STT3B: variants seen among roughly 807,000 people sequenced by gnomAD.
STT3B encodes the protein STT3 oligosaccharyltransferase complex catalytic subunit B, also known as dolichyl-diphosphooligosaccharide--protein glycosyltransferase subunit STT3B.
STT3B carries 29 observed loss-of-function variants against 96.8 expected under a neutral mutation model. That is an observed-to-expected ratio of 0.30 (90% CI 0.22 to 0.41). STT3B has a LOEUF of 0.41. Among genes scored for constraint, STT3B ranks in the 10% least tolerant of loss-of-function variants. STT3B has a pLI of 1.00. For synonymous variants in STT3B, 367 were observed against 360.0 expected (o/e 1.02, Z -0.22); for missense variants, 640 against 1,022.3 (o/e 0.63, Z 5.10).
At position 31,559,146 on chromosome 3, in the gene STT3B, G is replaced by GGGGTGT. The variant is rs949401027; in HGVS notation, c.315-17249_315-17248insGGTGTG. 3.7e-3 allele frequency among the ~76,000 whole-genome samples: 430 copies of GGGGTGT among 116,518 alleles called. 2 individuals are homozygous for GGGGTGT. The highest frequency in any genetic ancestry group is 5.7e-3 in the Non-Finnish European group (324 of 56,368). The allele number at this position is 116,518 out of a possible 152,430, so 76.4% of individuals were successfully genotyped here. A position where few individuals can be genotyped will look rare whatever the true frequency, so the allele number is the denominator to read the frequency against. ...TTGTTTTTGTTTCATTGATTCTTGG[G>GGGGTGT]GTGTGTGTGTGTGTGTGTGTGTGTG... On this transcript the variant is annotated intron_variant, in intron 1 of 15. Transcript: ENST00000295770.
At chr3:31,624,764 C>CTTT in intron 11 of STT3B, 150 bp from the exon 12 acceptor site, 2 of 488,224 alleles carry the variant, frequency 4.1e-6, no homozygotes, top group Non-Finnish European at 7.1e-6. Context: ...CATTGTTTCA[C>CTTT]TTTTTTTTTT....
chr3:31,619,790 T>C lies in STT3B; in HGVS notation c.1287T>C (p.Leu429=). The change falls in exon 9 of 16, where the codon CTT becomes CTC. Residue 429 remains leucine (L), a synonymous_variant. Transcript: ENST00000295770. ...HILVCTFPAG[L]WFCIKNINDE... Reference sequence around the variant, plus strand: ...TTGTATGTACCTTCCCAGCAGGCCTTTGGTTCTGCATCAAAAATATCAACG... The same window carrying C: ...TTGTATGTACCTTCCCAGCAGGCCTCTGGTTCTGCATCAAAAATATCAACG... 5 of 1,613,248 alleles carry C rather than the reference T, an allele frequency of 3.1e-6. No individual in the cohort carries two copies. Among genetic ancestry groups the C allele is most frequent in the Non-Finnish European group, 3.4e-6 (4 of 1,179,754 alleles).
In STT3B at chr3:31,626,104, G is replaced by A; in HGVS notation, c.2050G>A (p.Gly684Arg). The stretch of plus-strand genomic sequence containing the variant: ...TCTCTGGATGGTTAGGATAGCTGAA[G>A]GAGAACATCCCAAAGACATTCGGGT... ...KFLWMVRIAE[G>R]EHPKDIRESD... is the part of the protein sequence containing the mutation. The change falls in exon 13 of 16, where the codon GGA becomes AGA. Residue 684 changes from glycine to arginine, a missense_variant. By Grantham distance (125) the Gly-to-Arg change is moderately radical. Coordinates refer to ENST00000295770, the MANE Select transcript of STT3B (RefSeq NM_178862.3). 1 of 1,613,424 alleles carries A rather than the reference G, an allele frequency of 6.2e-7. No homozygotes were observed. Among genetic ancestry groups the A allele is most frequent in the Non-Finnish European group, 8.5e-7 (1 of 1,179,734 alleles).
intron 1 of STT3B, among the ~76,000 whole-genome samples, chr3:31,542,441 T>C (rs897847454): frequency 2.6e-5 from 4 of 152,168 alleles, no homozygotes; most frequent in Non-Finnish European, 5.9e-5. Flanking sequence ...GTAGCAATTT[T>C]GCATATATTG....
chr3:31,579,865 G>C lies in STT3B; in HGVS notation c.480G>C (p.Leu160Phe), dbSNP rs1698345655. ...AGLIHWILNT[L>F]NITVHIRDVC... ...TTATTCATTGGATTTTAAATACATT[G>C]AACATAACTGTTCACATAAGAGACG... The change falls in exon 3 of 16, where the codon TTG becomes TTC. Residue 160 changes from leucine (L) to phenylalanine (F), a missense_variant. By Grantham distance (22) the Leu-to-Phe change is conservative. Around this residue, in one of 8 missense-constraint regions of STT3B, gnomAD observed 267 missense variants for 388.3 expected, o/e 0.69. Transcript: ENST00000295770. The C allele has an allele frequency of 6.2e-7, 1 of 1,613,580 alleles. No individual in the cohort carries two copies. The highest frequency in any genetic ancestry group is 1.1e-5 in the South Asian group (1 of 91,064).
At chr3:31,582,820 T>C (rs1462430660) in intron 3 of STT3B, among the ~76,000 whole-genome samples, 1 of 152,198 alleles carries the variant, frequency 6.6e-6, no homozygotes, top group Non-Finnish European at 1.5e-5. Flanking sequence ...CTTGTTTAAC[T>C]TCCACAAATT....
intron 1 of STT3B, among the ~76,000 whole-genome samples, chr3:31,545,908 C>G (rs1229214667): frequency 6.6e-6 from 1 of 151,468 alleles, no homozygotes; most frequent in Non-Finnish European, 1.5e-5. Context: ...CCAGGGAAGC[C>G]GAAAGATTGG....
intron 1 of STT3B, among the ~76,000 whole-genome samples, chr3:31,556,049 T>G (rs1011285592): frequency 6.6e-6 from 1 of 152,130 alleles, no homozygotes; most frequent in African/African-American, 2.4e-5. Flanking sequence ...TCATCTCTGC[T>G]TCTCTCCTAT....
intron 9 of STT3B, 146 bp downstream of exon 9, chr3:31,619,976 A>G (rs1254807898): frequency 6.7e-7 from 1 of 1,503,252 alleles, no homozygotes; most frequent in Non-Finnish European, 8.8e-7. Flanking sequence ...TGCTTAACCA[A>G]GAAAAATTCA....
At chr3:31,573,364 T>C (rs1206594158) in intron 1 of STT3B, among the ~76,000 whole-genome samples, 1 of 152,154 alleles carries the variant, frequency 6.6e-6, no homozygotes, top group Non-Finnish European at 1.5e-5. Context: ...GAACTAGAAG[T>C]GGGCAGAATG....
At chr3:31,559,485 T>C (rs931349198) in intron 1 of STT3B, among the ~76,000 whole-genome samples, 13 of 152,040 alleles carry the variant, frequency 8.6e-5, no homozygotes, top group African/African-American at 3.1e-4. Flanking sequence ...GCATGTTGTT[T>C]AAGTTCCATG....
rs529789569 is a variant in STT3B at position 31,589,902 on chromosome 3, A to G, written c.712-6896A>G. Among the ~76,000 whole-genome samples, 59 of 151,852 alleles carry G rather than the reference A, an allele frequency of 3.9e-4. 1 individual carries two copies. The South Asian group carries it at 0.011, about 28-fold the overall frequency. On this transcript the variant is annotated intron_variant, in intron 3 of 15. Coordinates refer to ENST00000295770, the MANE Select transcript of STT3B (RefSeq NM_178862.3). ...TGGACAGGGTACTTTTTCCTGCCCTATTTCCTGAAATAATTCTCGTAGGAT... is the reference window on the plus strand; with the variant it reads ...TGGACAGGGTACTTTTTCCTGCCCTGTTTCCTGAAATAATTCTCGTAGGAT...
intron 13 of STT3B, among the ~76,000 whole-genome samples, chr3:31,627,687 G>A (rs1699565536): frequency 1.3e-5 from 2 of 152,132 alleles, no homozygotes; most frequent in Admixed American, 6.5e-5. Context: ...TCCCTTAACT[G>A]TGATTAGTAA....
chr3:31,550,167 G>A (rs1458421834), intron 1 of STT3B, among the ~76,000 whole-genome samples: 1 of 152,174 alleles, frequency 6.6e-6, no homozygotes, highest in Non-Finnish European at 1.5e-5. Context: ...AGTTAAGGCA[G>A]AAATTAAGAG....
chr3:31,575,018 A>G (rs1404315067), intron 1 of STT3B, among the ~76,000 whole-genome samples: 2 of 152,024 alleles, frequency 1.3e-5, no homozygotes, highest in South Asian at 2.1e-4. Context: ...CAATTTTGCC[A>G]TTCAAAATCT....
At chr3:31,541,211 G>A (rs1380418275) in intron 1 of STT3B, among the ~76,000 whole-genome samples, 1 of 152,052 alleles carries the variant, frequency 6.6e-6, no homozygotes, top group Non-Finnish European at 1.5e-5. Context: ...GAAGTATGAC[G>A]CATCCTGAAA....
chr3:31,590,153 TC>T (rs1389180003), intron 3 of STT3B, among the ~76,000 whole-genome samples: 1 of 151,994 alleles, frequency 6.6e-6, no homozygotes. Context: ...TCTTTATAAG[TC>T]TTTGGATTTC....
At chr3:31,540,160 T>G (rs1697228648) in intron 1 of STT3B, among the ~76,000 whole-genome samples, 1 of 152,138 alleles carries the variant, frequency 6.6e-6, no homozygotes, top group Admixed American at 6.5e-5. Flanking sequence ...TAGTTTAAAT[T>G]TACAATATCG....
intron 3 of STT3B, among the ~76,000 whole-genome samples, chr3:31,585,760 C>T (rs1698522926): frequency 6.6e-6 from 1 of 152,068 alleles, no homozygotes; most frequent in East Asian, 1.9e-4. Flanking sequence ...TATCCGTCTT[C>T]CTTCACTTAG....
Sources: allele counts gnomAD v4.1 joint callset (sites outside exome capture counted in the v4.1 genomes callset), GRCh38; gene constraint gnomAD v4.1.1; regional missense constraint gnomAD v4.1.1; transcripts MANE v1.5; gene names NCBI Gene and HGNC (gene_info 2026-07-23, HGNC 2026-07-21).